EPHB1: variants seen among roughly 807,000 people sequenced by gnomAD.
EPHB1 encodes EPH receptor B1, also known as ephrin type-B receptor 1.
Under a neutral mutation model 94.4 loss-of-function variants are expected in EPHB1, and 30 were observed. That is an observed-to-expected ratio of 0.32 (90% CI 0.24 to 0.43). The LOEUF (loss-of-function observed/expected upper bound fraction) is 0.43. Among genes scored for constraint, EPHB1 ranks in the 20% least tolerant of loss-of-function variants. EPHB1 has a pLI of 1.00. For missense variants in EPHB1, 1,055 were observed against 1,308.3 expected, an observed-to-expected ratio of 0.81 and a Z score of 2.99; for synonymous variants, 522 against 489.1, an observed-to-expected ratio of 1.07 and a Z score of -0.89.
At chr3:134,948,292 A>G (rs1174305062) in intron 2 of EPHB1, among the ~76,000 whole-genome samples, 1 of 105,282 alleles carries the variant, frequency 9.5e-6, no homozygotes. Flanking sequence ...GGAATAATGG[A>G]TCATGAGACT....
intron 3 of EPHB1, among the ~76,000 whole-genome samples, chr3:135,074,684 A>G (rs1189995732): frequency 2.0e-5 from 3 of 152,174 alleles, no homozygotes; most frequent in African/African-American, 7.2e-5. Flanking sequence ...CAGCTTCTAT[A>G]CTGTGGCTTT....
chr3:135,241,116 G>A (rs564609990), intron 12 of EPHB1, 32 bp from the exon 13 acceptor site: 2 of 1,614,072 alleles, frequency 1.2e-6, no homozygotes, highest in African/African-American at 2.7e-5. Flanking sequence ...AAACCTGATT[G>A]TTGGGCTGAC....
At chr3:134,937,769 G>C (rs2039032687) in intron 2 of EPHB1, among the ~76,000 whole-genome samples, 1 of 152,212 alleles carries the variant, frequency 6.6e-6, no homozygotes, top group Admixed American at 6.5e-5. Flanking sequence ...CCCCTGCCTT[G>C]TTCTACAAGG....
intron 12 of EPHB1, among the ~76,000 whole-genome samples, chr3:135,226,949 T>C (rs957155287): frequency 6.6e-6 from 1 of 152,146 alleles, no homozygotes; most frequent in African/African-American, 2.4e-5. Flanking sequence ...TTCTCACTTC[T>C]AAGTGGGAGC....
At chr3:135,024,517 G>C (rs1039849597) in intron 3 of EPHB1, among the ~76,000 whole-genome samples, 9 of 152,258 alleles carry the variant, frequency 5.9e-5, no homozygotes, top group African/African-American at 2.2e-4. Context: ...AAGTGTGCTA[G>C]TTCCCAGCCA....
intron 1 of EPHB1, among the ~76,000 whole-genome samples, chr3:134,923,339 T>C (rs909165849): frequency 6.6e-6 from 1 of 152,180 alleles, no homozygotes; most frequent in African/African-American, 2.4e-5. Context: ...TGTTAAGCTG[T>C]GGAGGAAGGC....
chr3:135,162,228 G>T (rs1244973132), intron 7 of EPHB1, 48 bp downstream of exon 7: 2 of 1,506,294 alleles, frequency 1.3e-6, no homozygotes, highest in Non-Finnish European at 1.8e-6. Context: ...AGGCAGTGTG[G>T]GAGAAAAAGT....
intron 3 of EPHB1, among the ~76,000 whole-genome samples, chr3:135,030,671 C>T (rs369918706): frequency 6.6e-6 from 1 of 152,212 alleles, no homozygotes; most frequent in Non-Finnish European, 1.5e-5. Flanking sequence ...TTACTGCTGT[C>T]TTTTTGTTTG....
At chr3:135,227,880 T>A (rs1299739622) in intron 12 of EPHB1, among the ~76,000 whole-genome samples, 1 of 152,146 alleles carries the variant, frequency 6.6e-6, no homozygotes, top group Non-Finnish European at 1.5e-5. Flanking sequence ...TCTTCCTTTC[T>A]CTCTTTCTCT....
At chr3:134,959,966 CTTTTTTTTTTTTTTTTTTTTTTT>C (rs61369813) in intron 3 of EPHB1, among the ~76,000 whole-genome samples, 4 of 107,422 alleles carry the variant, frequency 3.7e-5, no homozygotes, top group Middle Eastern at 5.3e-3. Context: ...ACATCTGCAC[CTTTTTTTTTTTTTTTTTTTTTTT>C]TTTTTTTTTT....
chr3:134,837,379 C>T (rs2036691335), intron 1 of EPHB1, among the ~76,000 whole-genome samples: 1 of 152,116 alleles, frequency 6.6e-6, no homozygotes, highest in African/African-American at 2.4e-5. Flanking sequence ...GTCTTAAAAT[C>T]CAGTTTATTG....
At chr3:135,201,928 A>T (rs1331967424) in intron 12 of EPHB1, among the ~76,000 whole-genome samples, 1 of 152,076 alleles carries the variant, frequency 6.6e-6, no homozygotes, top group African/African-American at 2.4e-5. Flanking sequence ...TCTATTATGA[A>T]GCTATAGTGT....
chr3:134,847,835 C>G (rs1370424654), intron 1 of EPHB1, among the ~76,000 whole-genome samples: 1 of 152,166 alleles, frequency 6.6e-6, no homozygotes, highest in Non-Finnish European at 1.5e-5. Context: ...ACAATTTTCC[C>G]ATTGTGGCTG....
chr3:135,136,970 C>T (rs965121727), intron 5 of EPHB1, among the ~76,000 whole-genome samples: 2 of 152,246 alleles, frequency 1.3e-5, no homozygotes, highest in Non-Finnish European at 2.9e-5. Flanking sequence ...TGCAGTCACT[C>T]TCTGGCATCT....
At chr3:135,098,709 A>G (rs1256049623) in intron 3 of EPHB1, among the ~76,000 whole-genome samples, 1 of 152,126 alleles carries the variant, frequency 6.6e-6, no homozygotes, top group Non-Finnish European at 1.5e-5. Context: ...TCTCCCAGGA[A>G]ATGATAAGAA....
intron 1 of EPHB1, among the ~76,000 whole-genome samples, chr3:134,920,117 A>G (rs541842142): frequency 7.2e-5 from 11 of 152,194 alleles, no homozygotes; most frequent in African/African-American, 2.6e-4. Context: ...TGTGGCTGCA[A>G]GCTCCCTGAG....
chr3:134,974,314 G>A (rs149663171), intron 3 of EPHB1, among the ~76,000 whole-genome samples: 4 of 151,988 alleles, frequency 2.6e-5, no homozygotes, highest in Non-Finnish European at 5.9e-5. Context: ...GAGCCAGACT[G>A]CCTGGGTTGG....
At chr3:134,997,570 T>C (rs137859508) in intron 3 of EPHB1, among the ~76,000 whole-genome samples, 45 of 152,330 alleles carry the variant, frequency 3.0e-4, no homozygotes, top group Middle Eastern at 6.8e-3. Flanking sequence ...CTTTCTACAT[T>C]ACTGACTTGA....
intron 3 of EPHB1, among the ~76,000 whole-genome samples, chr3:134,994,982 A>C (rs1382284731): frequency 1.7e-5 from 2 of 115,884 alleles, no homozygotes; most frequent in Non-Finnish European, 3.7e-5. Context: ...AGTTTTACAT[A>C]CACTTGTGTG....
Sources: gnomAD v4.1 joint callset for allele counts (sites outside exome capture counted in the v4.1 genomes callset) on GRCh38, gnomAD v4.1.1 for gene constraint, MANE v1.5 for transcripts, NCBI Gene and HGNC (gene_info 2026-07-23, HGNC 2026-07-21) for gene names.